The following FREM2 variants were observed in gnomAD, a reference collection of about 807,000 sequenced individuals.
FREM2 encodes the protein FRAS1 related extracellular matrix 2, also known as FRAS1-related extracellular matrix protein 2.
FREM2 carries 119 observed loss-of-function variants against 219.9 expected under a neutral mutation model. The ratio of observed to expected loss-of-function variants is 0.54; its 90% CI spans 0.47 to 0.63. The LOEUF (loss-of-function observed/expected upper bound fraction) is 0.63, where lower values mean the gene tolerates loss of function less well. Ranked by LOEUF, FREM2 falls within the 30% of genes least tolerant of loss-of-function variation. FREM2 has a pLI of 0.00. For synonymous variants in FREM2, 1,562 were observed against 1,522.8 expected, an observed-to-expected ratio of 1.03 and a Z score of -0.60; for missense variants, 4,030 against 3,993.6, an observed-to-expected ratio of 1.01 and a Z score of -0.25.
rs1455274348 is a variant in FREM2 at position 38,882,114 on chromosome 13, G to A, written c.*1327G>A. On this transcript the variant is annotated 3_prime_UTR_variant, in exon 24 of 24. Coordinates refer to ENST00000280481, the MANE Select transcript of FREM2 (RefSeq NM_207361.6). The stretch of plus-strand genomic sequence containing the variant: ...TTCACCTCCCAAAGCCAAGGAACTT[G>A]AGTGAGCTTCCTTGGCAAGCCTCCC... 2 of 152,168 alleles carry A rather than the reference G, an allele frequency of 1.3e-5. No individual in the cohort carries two copies. The highest frequency in any genetic ancestry group is 4.8e-5 in the African/African-American group (2 of 41,444). 9.4% of individuals were successfully genotyped at this position (152,168 alleles called of 1,614,324 possible).
rs73184736 is a variant in FREM2 at position 38,728,386 on chromosome 13, C to T, written c.5263+30599C>T. ...TCTCAATAACAGGGAACAAATGAAACATCCTGTAGGGATCCCCACACTATT... is the reference window on the plus strand; with the variant it reads ...TCTCAATAACAGGGAACAAATGAAATATCCTGTAGGGATCCCCACACTATT... On this transcript the variant is annotated intron_variant, in intron 2 of 23. Transcript: ENST00000280481. Among the ~76,000 whole-genome samples, 669 of 152,134 alleles carry T rather than the reference C, an allele frequency of 4.4e-3. 4 individuals are homozygous for T. Among genetic ancestry groups the T allele is most frequent in the Non-Finnish European group, 6.9e-3 (468 of 67,992 alleles).
At chr13:38,876,925 A>G (rs1174220806) in intron 20 of FREM2, among the ~76,000 whole-genome samples, 192 bp from the exon 21 acceptor site, 1 of 152,214 alleles carries the variant, frequency 6.6e-6, no homozygotes, top group Non-Finnish European at 1.5e-5. Context: ...AAATGACTTG[A>G]TCCCACCAGT....
chr13:38,849,806 A>G (rs563489771), intron 8 of FREM2, among the ~76,000 whole-genome samples: 1 of 152,332 alleles, frequency 6.6e-6, no homozygotes, highest in East Asian at 1.9e-4. Context: ...ACTTTTTAAC[A>G]TTTCATTGCA....
rs150806131 is a variant in FREM2, at chr13:38,730,983, T to C, written c.5263+33196T>C. 5.4e-3 allele frequency among the ~76,000 whole-genome samples: 814 copies of C among 152,056 alleles called. 5 individuals carry two copies. Among genetic ancestry groups the C allele is most frequent in the South Asian group, 0.014 (67 of 4,824 alleles). On this transcript the variant is annotated intron_variant, in intron 2 of 23. Coordinates refer to ENST00000280481, the MANE Select transcript of FREM2 (RefSeq NM_207361.6). ...CTTCCTCTTTGCTGAGAAATATTAA[T>C]GTTCTTATGGGTATTATCTAAACTG...
chr13:38,687,994 G>A lies in FREM2; in HGVS notation c.650G>A (p.Arg217His). Residue 217 changes from arginine to histidine, a missense_variant, in exon 1 of 24, where the codon CGC becomes CAC. Arg to His is a conservative substitution (Grantham distance 29). Around this residue, in one of 2 missense-constraint regions of FREM2, gnomAD observed 3,102 missense variants for 2,950.7 expected, o/e 1.05. Transcript: ENST00000280481. ...FAFQPETEECRVGILSGLGAL... is the reference protein window; with the variant it reads ...FAFQPETEECHVGILSGLGAL... ...TTCCAGCCCGAGACAGAGGAGTGCC[G>A]CGTGGGCATCCTGTCCGGCTTGGGC... 1 of 1,612,570 alleles carries A rather than the reference G, an allele frequency of 6.2e-7. No individual in the cohort carries two copies. Among genetic ancestry groups the A allele is most frequent in the Non-Finnish European group, 8.5e-7 (1 of 1,179,066 alleles).
chr13:38,737,422 C>G (rs1872042679), intron 2 of FREM2, among the ~76,000 whole-genome samples: 1 of 152,158 alleles, frequency 6.6e-6, no homozygotes, highest in Non-Finnish European at 1.5e-5. Flanking sequence ...TCTCTAAAAT[C>G]TATGGCAAAG....
intron 6 of FREM2, among the ~76,000 whole-genome samples, chr13:38,839,934 T>A (rs1031957247): frequency 1.3e-5 from 2 of 152,158 alleles, no homozygotes; most frequent in Admixed American, 6.5e-5. Flanking sequence ...CTTGGCTCCC[T>A]GGCTTCAGCC....
At chr13:38,828,147 T>C (rs532498191) in intron 6 of FREM2, among the ~76,000 whole-genome samples, 1 of 152,242 alleles carries the variant, frequency 6.6e-6, no homozygotes, top group East Asian at 1.9e-4. Flanking sequence ...GGCACAATAT[T>C]CCAAAGGCAG....
chr13:38,819,227 T>C (rs1027371210), intron 6 of FREM2, among the ~76,000 whole-genome samples: 1 of 152,032 alleles, frequency 6.6e-6, no homozygotes, highest in Non-Finnish European at 1.5e-5. Context: ...TTTGAAACTG[T>C]TGATACAATG....
chr13:38,857,728 C>T (rs760648680), intron 12 of FREM2, 147 bp from the exon 13 acceptor site: 19 of 700,252 alleles, frequency 2.7e-5, no homozygotes, highest in Non-Finnish European at 4.6e-5. Flanking sequence ...CACTTAGGGC[C>T]TGTTGCTCTC....
At chr13:38,716,738 C>G (rs1306625407) in intron 2 of FREM2, among the ~76,000 whole-genome samples, 2 of 152,174 alleles carry the variant, frequency 1.3e-5, no homozygotes, top group Non-Finnish European at 2.9e-5. Context: ...GAACTCCTGG[C>G]CTCAGGTAAT....
chr13:38,790,247 C>T (rs1430269715), intron 6 of FREM2, among the ~76,000 whole-genome samples: 1 of 152,154 alleles, frequency 6.6e-6, no homozygotes, highest in Non-Finnish European at 1.5e-5. Flanking sequence ...GGTATCCAGA[C>T]TTTATTCGTG....
intron 2 of FREM2, among the ~76,000 whole-genome samples, chr13:38,713,009 T>A (rs560674593): frequency 6.6e-6 from 1 of 152,294 alleles, no homozygotes; most frequent in East Asian, 1.9e-4. Context: ...CCATCCTCTG[T>A]CCAAATAGTC....
intron 14 of FREM2, among the ~76,000 whole-genome samples, chr13:38,860,439 C>T (rs1272144341): frequency 1.3e-5 from 2 of 152,108 alleles, no homozygotes; most frequent in Admixed American, 6.5e-5. Flanking sequence ...ATATTTGATT[C>T]TATTTCTAAA....
In FREM2 at chr13:38,859,377, C is replaced by A. The variant is rs769076084; in HGVS notation, c.7306C>A (p.Leu2436Met). 1.2e-6 allele frequency: 2 copies of A among 1,614,180 alleles called. No homozygotes were observed. Among genetic ancestry groups the A allele is most frequent in the Admixed American group, 1.7e-5 (1 of 60,020 alleles). Residue 2436 changes from leucine to methionine, a missense_variant, in exon 14 of 24, where the codon CTG (leucine) becomes ATG (methionine). Leu to Met is a conservative substitution (Grantham distance 15, BLOSUM62 2). Transcript: ENST00000280481. ...TGACACTTTGACGCGGTACCGGTGG[C>A]TGATTAGTGCACCTGCGGGCCCTGA... ...INDTLTRYRW[L>M]ISAPAGPDGV...
chr13:38,745,746 T>A (rs746638375), intron 2 of FREM2, among the ~76,000 whole-genome samples: 1 of 152,222 alleles, frequency 6.6e-6, no homozygotes, highest in Non-Finnish European at 1.5e-5. Context: ...TTAATCTCGC[T>A]TCTGCTTTCT....
rs1276824283 is a variant in FREM2, at chr13:38,872,809, C to T, written c.8051C>T (p.Ser2684Phe). The change falls in exon 17 of 24, where the codon TCC (serine) becomes TTC (phenylalanine). Residue 2684 changes from serine to phenylalanine, a missense_variant. By Grantham distance (155) the Ser-to-Phe change is radical. Coordinates refer to ENST00000280481, the MANE Select transcript of FREM2 (RefSeq NM_207361.6). ...CTGTATGTTTCCTACGTGTTCCATTCCCCCGTGGGGGTAGGAGGCTGGCAG... is the reference window on the plus strand; with the variant it reads ...CTGTATGTTTCCTACGTGTTCCATTTCCCCGTGGGGGTAGGAGGCTGGCAG... ...VPLYVSYVFH[S>F]PVGVGGWQHF... 1.2e-6 allele frequency: 2 copies of T among 1,614,010 alleles called. No individual in the cohort carries two copies. The highest frequency in any genetic ancestry group is 2.2e-5 in the South Asian group (2 of 91,084).
In FREM2 at chr13:38,836,241, C is replaced by T. The variant is rs1022761434; in HGVS notation, c.6020-10332C>T. 4.5e-4 allele frequency among the ~76,000 whole-genome samples: 68 copies of T among 152,126 alleles called. 1 individual carries two copies. The highest frequency in any genetic ancestry group is 1.4e-3 in the African/African-American group (59 of 41,424). On this transcript the variant is annotated intron_variant, in intron 6 of 23. Coordinates refer to ENST00000280481, the MANE Select transcript of FREM2 (RefSeq NM_207361.6). ...TTGGTTCTGTTTATGTGATGGATTA[C>T]ATTTATTGATTTGCATATGTTGAAC...
chr13:38,690,643 A>G lies in FREM2; in HGVS notation c.3299A>G (p.Asp1100Gly). 1.2e-6 allele frequency: 2 copies of G among 1,613,770 alleles called. No homozygotes were observed. Among genetic ancestry groups the G allele is most frequent in the African/African-American group, 2.7e-5 (2 of 75,056 alleles). ...ISAEDVDSLN[D>G]DILCTIVIQP... The stretch of plus-strand genomic sequence containing the variant: ...GCTGAAGATGTCGACTCCCTGAATG[A>G]TGACATCTTGTGCACTATAGTTATT... Residue 1100 changes from aspartate to glycine, a missense_variant, in exon 1 of 24, where the codon GAT (aspartate) becomes GGT (glycine). Transcript: ENST00000280481.
Sources: gnomAD v4.1 joint callset for allele counts (sites outside exome capture counted in the v4.1 genomes callset) on GRCh38, gnomAD v4.1.1 for gene constraint, gnomAD v4.1.1 regional missense constraint, MANE v1.5 for transcripts, NCBI Gene and HGNC (gene_info 2026-07-23, HGNC 2026-07-21) for gene names.